The following NRG3 variants were observed in gnomAD, a reference collection of about 807,000 sequenced individuals.
The protein encoded by NRG3 is neuregulin 3.
A neutral mutation model predicts 66.9 loss-of-function variants in NRG3; 31 were observed. The observed-to-expected ratio is 0.46, with a 90% CI of 0.35 to 0.63. The LOEUF (loss-of-function observed/expected upper bound fraction) is 0.63, where lower values mean the gene tolerates loss of function less well. Among genes scored for constraint, NRG3 ranks in the 20% least tolerant of loss-of-function variants. The pLI is 0.00. For synonymous variants in NRG3, 393 were observed against 359.4 expected, an observed-to-expected ratio of 1.09 and a Z score of -1.06; for missense variants, 910 against 878.9, an observed-to-expected ratio of 1.04 and a Z score of -0.45.
intron 2 of NRG3, among the ~76,000 whole-genome samples, chr10:82,410,118 A>G (rs1440076879): frequency 6.6e-6 from 1 of 152,062 alleles, no homozygotes; most frequent in African/African-American, 2.4e-5. Flanking sequence ...ATAGAGTCCA[A>G]CTCCTTGTAA....
chr10:82,845,717 T>C (rs2063281130), intron 3 of NRG3, among the ~76,000 whole-genome samples: 1 of 152,170 alleles, frequency 6.6e-6, no homozygotes, highest in South Asian at 2.1e-4. Flanking sequence ...AGAGTATAAA[T>C]ATTTTAACAA....
intron 2 of NRG3, among the ~76,000 whole-genome samples, chr10:82,378,595 G>A (rs371544716): frequency 6.6e-6 from 1 of 150,660 alleles, no homozygotes; most frequent in African/African-American, 2.4e-5. Flanking sequence ...CTTTTTGACA[G>A]AGTTTTGCTC....
At chr10:82,213,106 G>A (rs2075484079) in intron 1 of NRG3, among the ~76,000 whole-genome samples, 1 of 152,098 alleles carries the variant, frequency 6.6e-6, no homozygotes, top group South Asian at 2.1e-4. Flanking sequence ...AGCTTATAAG[G>A]GAGGACCCAG....
intron 1 of NRG3, among the ~76,000 whole-genome samples, chr10:82,048,493 A>G (rs936625313): frequency 1.3e-5 from 2 of 151,894 alleles, no homozygotes; most frequent in Admixed American, 6.6e-5. Context: ...CTGCTCCTGA[A>G]TGACTACTGG....
At chr10:82,821,503 GAA>G (rs10550982) in intron 3 of NRG3, among the ~76,000 whole-genome samples, 5,822 of 134,546 alleles carry the variant, frequency 0.043, 131 homozygotes, top group Middle Eastern at 0.076. Flanking sequence ...ACACTTAACT[GAA>G]AAAAAAAAAA....
At chr10:82,103,047 A>C (rs897951906) in intron 1 of NRG3, among the ~76,000 whole-genome samples, 6 of 152,136 alleles carry the variant, frequency 3.9e-5, no homozygotes, top group Middle Eastern at 3.2e-3. Context: ...GAATTATTTC[A>C]GACTATCTTC....
At chr10:82,375,858 T>C (rs566783098) in intron 2 of NRG3, among the ~76,000 whole-genome samples, 31 of 152,310 alleles carry the variant, frequency 2.0e-4, no homozygotes, top group African/African-American at 2.9e-4. Context: ...TTTCAGTATA[T>C]GCGTTTATGA....
At chr10:82,916,121 C>G (rs530086006) in intron 4 of NRG3, among the ~76,000 whole-genome samples, 3 of 152,218 alleles carry the variant, frequency 2.0e-5, no homozygotes, top group Admixed American at 6.5e-5. Context: ...ACTGTTATGA[C>G]TTATTTGTTG....
intron 2 of NRG3, among the ~76,000 whole-genome samples, chr10:82,359,707 T>C (rs2084000405): frequency 1.3e-5 from 2 of 152,222 alleles, no homozygotes; most frequent in Admixed American, 6.5e-5. Flanking sequence ...ATCATATATA[T>C]CCACACCCCT....
chr10:82,062,475 G>GT (rs1463001861), intron 1 of NRG3, among the ~76,000 whole-genome samples: 3 of 151,942 alleles, frequency 2.0e-5, no homozygotes, highest in Non-Finnish European at 4.4e-5. Context: ...GCATGGTGGT[G>GT]TGCGCCTGTA....
intron 1 of NRG3, among the ~76,000 whole-genome samples, chr10:82,114,920 A>G (rs927500052): frequency 6.6e-6 from 1 of 152,156 alleles, no homozygotes; most frequent in Non-Finnish European, 1.5e-5. Context: ...ATCAATTGAA[A>G]TCATTGAATC....
chr10:82,073,144 T>C (rs536451455), intron 1 of NRG3, among the ~76,000 whole-genome samples: 1 of 152,214 alleles, frequency 6.6e-6, no homozygotes, highest in African/African-American at 2.4e-5. Context: ...TGATCCCTTA[T>C]GTGAAATTTT....
intron 2 of NRG3, among the ~76,000 whole-genome samples, chr10:82,696,964 G>A (rs1322924791): frequency 6.6e-6 from 1 of 152,168 alleles, no homozygotes; most frequent in Middle Eastern, 3.2e-3. Context: ...GCATACGTTA[G>A]GTACTTCTGT....
chr10:82,138,122 A>G (rs1040794632), intron 1 of NRG3, among the ~76,000 whole-genome samples: 3 of 152,116 alleles, frequency 2.0e-5, no homozygotes, highest in Non-Finnish European at 4.4e-5. Flanking sequence ...CTGTTTATCT[A>G]TGATTTTCCT....
chr10:82,051,283 G>GT (rs2063578733), intron 1 of NRG3, among the ~76,000 whole-genome samples: 1 of 151,838 alleles, frequency 6.6e-6, no homozygotes, highest in African/African-American at 2.4e-5. Context: ...GTGGAACTCA[G>GT]GAAACCAGAG....
intron 7 of NRG3, 71 bp downstream of exon 7, chr10:82,973,986 G>T (rs1163663865): frequency 6.4e-6 from 10 of 1,562,574 alleles, no homozygotes; most frequent in South Asian, 1.1e-5. Flanking sequence ...ACATGCCAAG[G>T]ACTGGCAGCA....
At chr10:82,810,418 G>A (rs569175228) in intron 3 of NRG3, among the ~76,000 whole-genome samples, 2 of 152,088 alleles carry the variant, frequency 1.3e-5, no homozygotes, top group African/African-American at 4.8e-5. Flanking sequence ...GTTCATTTTT[G>A]CTTAAAATGG....
chr10:82,079,095 TC>T (rs2065247503), intron 1 of NRG3, among the ~76,000 whole-genome samples: 1 of 151,834 alleles, frequency 6.6e-6, no homozygotes, highest in South Asian at 2.1e-4. Context: ...GAGATGGAGT[TC>T]CACTCTTTCG....
At chr10:81,918,818 C>CAAAAAAAAAAA (rs1554854963) in intron 1 of NRG3, among the ~76,000 whole-genome samples, 15 of 145,780 alleles carry the variant, frequency 1.0e-4, no homozygotes, top group African/African-American at 3.8e-4. Flanking sequence ...AGGATTTTTG[C>CAAAAAAAAAAA]AAAAAACAAA....
Sources: allele counts gnomAD v4.1 joint callset (sites outside exome capture counted in the v4.1 genomes callset), GRCh38; gene constraint gnomAD v4.1.1; transcripts MANE v1.5; gene names NCBI Gene and HGNC (gene_info 2026-07-23, HGNC 2026-07-21).